RUNX2: variants seen among roughly 807,000 people sequenced by gnomAD.
RUNX2 encodes RUNX family transcription factor 2, also known as runt-related transcription factor 2.
Under a neutral mutation model 51.7 loss-of-function variants are expected in RUNX2, and 10 were observed. That is an observed-to-expected ratio of 0.19 (90% CI 0.12 to 0.33). RUNX2 has a LOEUF of 0.33. RUNX2 is among the 10% of genes least tolerant of loss of function. RUNX2 has a pLI of 1.00. For missense variants in RUNX2, 562 were observed against 691.3 expected (o/e 0.81, Z 2.10); for synonymous variants, 276 against 273.6 (o/e 1.01, Z -0.09).
intron 5 of RUNX2, among the ~76,000 whole-genome samples, chr6:45,465,379 T>C (rs1252345008): frequency 5.9e-5 from 9 of 152,152 alleles, no homozygotes; most frequent in African/African-American, 2.2e-4. Context: ...TTGAGGGTGT[T>C]CTGCCTGGAT....
At chr6:45,458,050 A>G (rs1799367297) in intron 5 of RUNX2, among the ~76,000 whole-genome samples, 1 of 135,956 alleles carries the variant, frequency 7.4e-6, no homozygotes, top group South Asian at 2.2e-4. Context: ...ACAGAGTTTC[A>G]CTCTTGTTGC....
chr6:45,513,886 T>A (rs1405561892), intron 7 of RUNX2, among the ~76,000 whole-genome samples: 2 of 152,220 alleles, frequency 1.3e-5, no homozygotes, highest in Non-Finnish European at 2.9e-5. Flanking sequence ...ACAGTGGGGA[T>A]AACGAAGGCT....
At chr6:45,450,084 G>T (rs570217806) in intron 5 of RUNX2, among the ~76,000 whole-genome samples, 1 of 152,314 alleles carries the variant, frequency 6.6e-6, no homozygotes, top group African/African-American at 2.4e-5. Context: ...ATGATGGAAT[G>T]CTACAGAATG....
intron 6 of RUNX2, among the ~76,000 whole-genome samples, chr6:45,502,020 A>C (rs1390106547): frequency 6.6e-6 from 1 of 152,220 alleles, no homozygotes; most frequent in East Asian, 1.9e-4. Context: ...TGTCATGTGG[A>C]GTAGTAATCC....
chr6:45,467,520 G>C (rs1799668465), intron 5 of RUNX2, among the ~76,000 whole-genome samples: 1 of 152,100 alleles, frequency 6.6e-6, no homozygotes, highest in Non-Finnish European at 1.5e-5. Context: ...GACCTCAAGT[G>C]ATCCACCTGC....
chr6:45,506,035 A>G (rs1376825980), intron 6 of RUNX2, among the ~76,000 whole-genome samples: 2 of 152,138 alleles, frequency 1.3e-5, no homozygotes, highest in African/African-American at 2.4e-5. Flanking sequence ...CTTAATAGCT[A>G]GATTTGGTCT....
At chr6:45,488,200 T>C (rs1034589146) in intron 5 of RUNX2, among the ~76,000 whole-genome samples, 5 of 152,120 alleles carry the variant, frequency 3.3e-5, no homozygotes, top group Non-Finnish European at 7.4e-5. Flanking sequence ...ATGGCAGGAC[T>C]CGGTAATGGA....
chr6:45,439,587 A>G (rs962502303), intron 5 of RUNX2, among the ~76,000 whole-genome samples: 1 of 152,154 alleles, frequency 6.6e-6, no homozygotes, highest in African/African-American at 2.4e-5. Context: ...CACCGCTAAT[A>G]CTTATCTCTT....
intron 3 of RUNX2, 102 bp downstream of exon 3, chr6:45,423,059 C>T: frequency 6.8e-7 from 1 of 1,472,482 alleles, no homozygotes; most frequent in East Asian, 2.5e-5. Flanking sequence ...CCTCCAAGAC[C>T]TCCTGCCTTG....
intron 5 of RUNX2, among the ~76,000 whole-genome samples, chr6:45,476,240 T>C (rs1397566232): frequency 6.6e-6 from 1 of 152,158 alleles, no homozygotes; most frequent in Non-Finnish European, 1.5e-5. Flanking sequence ...GTGAGTCTGT[T>C]TTATTTTGTT....
chr6:45,460,169 G>A (rs1799431054), intron 5 of RUNX2, among the ~76,000 whole-genome samples: 1 of 152,176 alleles, frequency 6.6e-6, no homozygotes, highest in Admixed American at 6.5e-5. Context: ...AGATAGAGAA[G>A]AGGGCCAAGG....
chr6:45,483,748 T>G (rs1231728955), intron 5 of RUNX2, among the ~76,000 whole-genome samples: 3 of 152,088 alleles, frequency 2.0e-5, no homozygotes, highest in African/African-American at 7.2e-5. Context: ...GATGACCAAG[T>G]TGAGCTTGGA....
intron 2 of RUNX2, among the ~76,000 whole-genome samples, chr6:45,391,438 T>C (rs1348111156): frequency 1.3e-5 from 2 of 152,224 alleles, no homozygotes; most frequent in Non-Finnish European, 2.9e-5. Flanking sequence ...TGATTACTTG[T>C]ACAGCCTGAA....
rs181161803 is a variant in RUNX2, at chr6:45,462,380, A to T, written c.685+24329A>T. Among the ~76,000 whole-genome samples, 17 of 152,346 alleles carry T rather than the reference A, an allele frequency of 1.1e-4. No homozygotes were observed. In the East Asian group the frequency reaches 2.7e-3, roughly 24 times the overall value. ...GCTTCTCATTGACATCGATAGTCTT[A>T]TAGGTCTTATGTGTATCTGTGGGAG... On this transcript the variant is annotated intron_variant, in intron 5 of 8. Transcript: ENST00000647337.
At chr6:45,427,393 C>T (rs1798412994) in intron 3 of RUNX2, among the ~76,000 whole-genome samples, 1 of 152,064 alleles carries the variant, frequency 6.6e-6, no homozygotes, top group Admixed American at 6.5e-5. Flanking sequence ...TTATCTTTGA[C>T]ATATATATTT....
At chr6:45,405,946 A>G (rs570386846) in intron 2 of RUNX2, among the ~76,000 whole-genome samples, 1 of 152,324 alleles carries the variant, frequency 6.6e-6, no homozygotes, top group East Asian at 1.9e-4. Context: ...ATCTGAAAAT[A>G]GGGATATTAT....
At chr6:45,353,986 T>C (rs989466765) in intron 2 of RUNX2, among the ~76,000 whole-genome samples, 1 of 152,084 alleles carries the variant, frequency 6.6e-6, no homozygotes, top group African/African-American at 2.4e-5. Flanking sequence ...GGCCAAAGTA[T>C]TTTCAAGCTC....
At chr6:45,474,879 A>AC (rs1441964595) in intron 5 of RUNX2, among the ~76,000 whole-genome samples, 1 of 152,128 alleles carries the variant, frequency 6.6e-6, no homozygotes, top group Admixed American at 6.5e-5. Context: ...CTGGGTACCT[A>AC]CCATAGGCAC....
intron 2 of RUNX2, among the ~76,000 whole-genome samples, chr6:45,333,760 A>G (rs755668235): frequency 7.3e-5 from 11 of 151,406 alleles, no homozygotes; most frequent in Non-Finnish European, 1.3e-4. Flanking sequence ...TAATACATGA[A>G]GAGAAAAAAA....
Sources: gnomAD v4.1 joint callset for allele counts (sites outside exome capture counted in the v4.1 genomes callset) on GRCh38, gnomAD v4.1.1 for gene constraint, MANE v1.5 for transcripts, NCBI Gene and HGNC (gene_info 2026-07-23, HGNC 2026-07-21) for gene names.